NTN1: variants seen among roughly 807,000 people sequenced by gnomAD.
NTN1 encodes the protein netrin 1.
In NTN1, 11 loss-of-function variants were observed where a neutral mutation model predicts 54.2. The ratio of observed to expected loss-of-function variants is 0.20; its 90% CI spans 0.13 to 0.34. The LOEUF (loss-of-function observed/expected upper bound fraction) is 0.34. NTN1 is among the 10% of genes least tolerant of loss of function. The pLI is 1.00. For missense variants in NTN1, 740 were observed against 893.1 expected, an observed-to-expected ratio of 0.83 and a Z score of 2.18; for synonymous variants, 371 against 382.0, an observed-to-expected ratio of 0.97 and a Z score of 0.33.
At chr17:9,192,414 T>C (rs948734639) in intron 5 of NTN1, among the ~76,000 whole-genome samples, 1 of 152,154 alleles carries the variant, frequency 6.6e-6, no homozygotes, top group Non-Finnish European at 1.5e-5. Context: ...GAATTAGCCA[T>C]ATCGGTGGAA....
rs886986783 is a variant in NTN1 at position 9,059,244 on chromosome 17, G to A, written c.1018+35853G>A. Among the ~76,000 whole-genome samples the A allele has an allele frequency of 6.6e-5, 10 of 152,078 alleles. No homozygotes were observed. The East Asian group carries it at 1.2e-3, about 18-fold the overall frequency. ...AGCAGGTACAGATGGAGGAACTTACGCAAATCCTCAAAAATCTGAACCTAG... is the reference window on the plus strand; with the variant it reads ...AGCAGGTACAGATGGAGGAACTTACACAAATCCTCAAAAATCTGAACCTAG... On this transcript the variant is annotated intron_variant, in intron 2 of 6. Coordinates refer to ENST00000173229, the MANE Select transcript of NTN1 (RefSeq NM_004822.3).
At chr17:9,029,173 G>A (rs1897050327) in intron 2 of NTN1, among the ~76,000 whole-genome samples, 2 of 152,174 alleles carry the variant, frequency 1.3e-5, no homozygotes, top group South Asian at 2.1e-4. Flanking sequence ...TAAAATGTCC[G>A]TCCATGGTGG....
the NTN1 span, among the ~76,000 whole-genome samples, chr17:9,004,835 C>T: frequency 6.6e-6 from 1 of 152,302 alleles, no homozygotes; most frequent in African/African-American, 2.4e-5. Flanking sequence ...GGCTCTATGG[C>T]GAAATCTTAG....
At chr17:9,139,089 A>T (rs2092289898) in intron 2 of NTN1, among the ~76,000 whole-genome samples, 1 of 152,142 alleles carries the variant, frequency 6.6e-6, no homozygotes. Context: ...ACAGGGACTA[A>T]GTAGGCAAGG....
intron 2 of NTN1, among the ~76,000 whole-genome samples, chr17:9,037,882 T>G (rs2091908038): frequency 6.6e-6 from 1 of 152,146 alleles, no homozygotes; most frequent in Non-Finnish European, 1.5e-5. Context: ...TGTGTGTTAG[T>G]TCCCTGTTCA....
intron 2 of NTN1, among the ~76,000 whole-genome samples, chr17:9,034,728 A>T (rs2091898111): frequency 6.6e-6 from 1 of 151,662 alleles, no homozygotes; most frequent in Non-Finnish European, 1.5e-5. Context: ...TGGCCTTGTT[A>T]TTCTTAAGTA....
intron 2 of NTN1, among the ~76,000 whole-genome samples, chr17:9,124,385 G>C (rs903956915): frequency 6.6e-6 from 1 of 152,140 alleles, no homozygotes; most frequent in Non-Finnish European, 1.5e-5. Context: ...TCCTCCCTCC[G>C]GCTTCTCTCC....
chr17:9,026,222 C>T (rs1366890136), intron 2 of NTN1, among the ~76,000 whole-genome samples: 1 of 152,104 alleles, frequency 6.6e-6, no homozygotes, highest in Non-Finnish European at 1.5e-5. Flanking sequence ...AACAGTCCTT[C>T]GACATAGGGC....
At chr17:9,006,660 G>A in the NTN1 span, among the ~76,000 whole-genome samples, 1 of 152,320 alleles carries the variant, frequency 6.6e-6, no homozygotes, top group African/African-American at 2.4e-5. Context: ...GAAGGTTCAT[G>A]GATGCAGAAC....
intron 2 of NTN1, among the ~76,000 whole-genome samples, chr17:9,087,344 G>A (rs916985570): frequency 5.3e-5 from 8 of 152,186 alleles, no homozygotes; most frequent in African/African-American, 1.9e-4. Flanking sequence ...TGTGGCCAGA[G>A]TGCTGAGTGT....
chr17:9,146,135 G>A (rs1337010225), intron 2 of NTN1, among the ~76,000 whole-genome samples: 1 of 152,146 alleles, frequency 6.6e-6, no homozygotes, highest in Admixed American at 6.5e-5. Flanking sequence ...CGTACCTTCA[G>A]CAGTGGTGCA....
chr17:9,118,448 T>A (rs8066668), intron 2 of NTN1, among the ~76,000 whole-genome samples: 1 of 151,790 alleles, frequency 6.6e-6, no homozygotes, highest in Non-Finnish European at 1.5e-5. Context: ...AACCCAGGAG[T>A]TTGCAGTGAG....
intron 2 of NTN1, among the ~76,000 whole-genome samples, chr17:9,052,290 A>G (rs2091963403): frequency 6.6e-6 from 1 of 152,192 alleles, no homozygotes; most frequent in Non-Finnish European, 1.5e-5. Context: ...CATTTGTAAG[A>G]GGGTGAGCCT....
chr17:9,061,939 G>T (rs530792750), intron 2 of NTN1, among the ~76,000 whole-genome samples: 3 of 152,062 alleles, frequency 2.0e-5, no homozygotes, highest in Admixed American at 6.6e-5. Context: ...TCCTGACCTC[G>T]TGATGCGCCT....
At chr17:9,089,364 G>A (rs1220507908) in intron 2 of NTN1, among the ~76,000 whole-genome samples, 2 of 151,558 alleles carry the variant, frequency 1.3e-5, no homozygotes, top group African/African-American at 4.9e-5. Context: ...GCAGTGAGCC[G>A]AGATTGTGCC....
Position 9,050,139 on chromosome 17 carries a change from C to CCTACTT in NTN1, c.1018+26748_1018+26749insCTACTT, listed in dbSNP as rs546923658. The stretch of plus-strand genomic sequence containing the variant: ...GTGGACGCCTGTAGTCCCAGCTACT[C>CCTACTT]GGGAGGCTGAGGCAGGAGAATGGCA... On this transcript the variant is annotated intron_variant, in intron 2 of 6. Coordinates refer to ENST00000173229, the MANE Select transcript of NTN1 (RefSeq NM_004822.3). Among the ~76,000 whole-genome samples the CCTACTT allele has an allele frequency of 1.0e-2, 1,510 of 151,160 alleles. 27 individuals are homozygous for CCTACTT. Among genetic ancestry groups the CCTACTT allele is most frequent in the African/African-American group, 0.032 (1,330 of 41,126 alleles).
rs374885044 is a variant in NTN1 at position 9,216,050 on chromosome 17, T to A, written c.1412-5118T>A. On this transcript the variant is annotated intron_variant, in intron 5 of 6. Coordinates refer to ENST00000173229, the MANE Select transcript of NTN1 (RefSeq NM_004822.3). ...GTCACAGCTCACTACAATCTCAAAC[T>A]CCTGGGCTCAAGCAATACTCCCACC... is the stretch of plus-strand genomic sequence containing the variant. Among the ~76,000 whole-genome samples, 7 of 152,324 alleles carry A rather than the reference T, an allele frequency of 4.6e-5. No individual in the cohort carries two copies. The South Asian group carries it at 1.2e-3, about 27-fold the overall frequency.
the NTN1 span, among the ~76,000 whole-genome samples, chr17:9,015,947 G>A: frequency 1.1e-3 from 163 of 152,010 alleles, 1 homozygote; most frequent in African/African-American, 3.6e-3. Context: ...GGTGGTGGGC[G>A]CCTGTAATCC....
In NTN1 at chr17:9,212,468, C is replaced by A. The variant is rs1019537393; in HGVS notation, c.1412-8700C>A. On this transcript the variant is annotated intron_variant, in intron 5 of 6. Coordinates refer to ENST00000173229, the MANE Select transcript of NTN1 (RefSeq NM_004822.3). This position sits in a 1 kb window ranked among gnomAD's most constrained non-coding sequence, Gnocchi z 5.5. ...TGCAGCTTTCTGGTTCTAGATCAGG[C>A]AGCACCAAACATACTTTCTGGGCAG... 2.0e-5 allele frequency among the ~76,000 whole-genome samples: 3 copies of A among 152,216 alleles called. No homozygotes were observed. Among genetic ancestry groups the A allele is most frequent in the African/African-American group, 7.2e-5 (3 of 41,456 alleles).
Sources: allele counts gnomAD v4.1 joint callset (sites outside exome capture counted in the v4.1 genomes callset), GRCh38; gene constraint gnomAD v4.1.1; non-coding constraint Gnocchi (gnomAD v3.1); transcripts MANE v1.5; gene names NCBI Gene and HGNC (gene_info 2026-07-23, HGNC 2026-07-21).